Variants in SLC26A11 observed in about 807,000 individuals in gnomAD.
SLC26A11 encodes solute carrier family 26 member 11, also known as sodium-independent sulfate anion transporter.
Under a neutral mutation model 62.2 loss-of-function variants are expected in SLC26A11, and 58 were observed. The observed-to-expected ratio is 0.93, with a 90% confidence interval of 0.76 to 1.16. The LOEUF is 1.16. Ranked by LOEUF, SLC26A11 falls within the 50% of genes most tolerant of loss-of-function variation. The pLI is 0.00. For missense variants in SLC26A11, 790 were observed against 794.3 expected (o/e 0.99, Z 0.06); for synonymous variants, 411 against 368.9 (o/e 1.11, Z -1.31).
chr17:80,239,202 C>T (rs2042791167), intron 9 of SLC26A11, among the ~76,000 whole-genome samples: 2 of 151,772 alleles, frequency 1.3e-5, no homozygotes, highest in Non-Finnish European at 2.9e-5. Flanking sequence ...GCCTCAGCCT[C>T]CCAAGTAGCT....
chr17:80,238,161 C>T (rs1292917432), intron 9 of SLC26A11, among the ~76,000 whole-genome samples: 1 of 152,142 alleles, frequency 6.6e-6, no homozygotes, highest in Non-Finnish European at 1.5e-5. Flanking sequence ...AGTTTGAAAC[C>T]CACCTAGGCA....
chr17:80,243,216 G>A (rs1392145973), intron 10 of SLC26A11, among the ~76,000 whole-genome samples: 3 of 152,164 alleles, frequency 2.0e-5, no homozygotes, highest in Admixed American at 6.5e-5. Flanking sequence ...ACAAAGGGAC[G>A]TTGCCCGGGC....
At chr17:80,250,230 A>G (rs2043121376) in intron 16 of SLC26A11, among the ~76,000 whole-genome samples, 1 of 152,186 alleles carries the variant, frequency 6.6e-6, no homozygotes, top group South Asian at 2.1e-4. Context: ...CCCAGAGGAG[A>G]CATTCATGAA....
rs538219241 is a variant in SLC26A11, at chr17:80,226,712, G to GC, written c.593+803dup. On this transcript the variant is annotated intron_variant, in intron 6 of 17. Coordinates refer to ENST00000361193, the MANE Select transcript of SLC26A11 (RefSeq NM_001166347.2). The stretch of plus-strand genomic sequence containing the variant: ...TGAGACTCCATCTCCGCCCTGCCCT[G>GC]CCCCCCCGAAAAGAAAAGCCTCTGA... Among the ~76,000 whole-genome samples the GC allele has an allele frequency of 9.9e-5, 15 of 152,058 alleles. No individual in the cohort carries two copies. The East Asian group carries it at 1.5e-3, about 16-fold the overall frequency.
chr17:80,223,429 C>G lies in SLC26A11; in HGVS notation c.513+92C>G, dbSNP rs1289485816. ...GCAGGACTGAGGCCAGTCCTGATCC[C>G]TGTGGCCAGTGGACGTCTTGCTGTT... On this transcript the variant is annotated intron_variant, in intron 5 of 17. Coordinates refer to ENST00000361193, the MANE Select transcript of SLC26A11 (RefSeq NM_001166347.2). The surrounding 1 kb of genome is among the most constrained non-coding windows in gnomAD (Gnocchi z 4.6). 85 of 1,215,888 alleles carry G rather than the reference C, an allele frequency of 7.0e-5. No homozygotes were observed. Among genetic ancestry groups the G allele is most frequent in the Non-Finnish European group, 9.9e-5 (83 of 838,674 alleles). The allele number at this position is 1,215,888 out of a possible 1,614,324, so 75.3% of individuals were successfully genotyped here.
At chr17:80,243,249 G>A (rs1334333694) in intron 10 of SLC26A11, among the ~76,000 whole-genome samples, 3 of 152,156 alleles carry the variant, frequency 2.0e-5, no homozygotes, top group African/African-American at 7.2e-5. Context: ...CATGGAGAGC[G>A]GGGCATTGTC....
intron 9 of SLC26A11, among the ~76,000 whole-genome samples, chr17:80,238,178 C>T (rs895836324): frequency 2.6e-5 from 4 of 152,060 alleles, no homozygotes; most frequent in Non-Finnish European, 4.4e-5. Flanking sequence ...GGCAACGTAA[C>T]GAGACCTCGT....
At chr17:80,244,014 G>T (rs1217839832) in intron 10 of SLC26A11, among the ~76,000 whole-genome samples, 4 of 152,202 alleles carry the variant, frequency 2.6e-5, no homozygotes, top group Admixed American at 6.5e-5. Flanking sequence ...TCCCACGCCT[G>T]TATTTCCTTG....
rs1327515210 is a variant in SLC26A11 at position 80,248,643 on chromosome 17, G to C, written c.1491G>C (p.Leu497=). ...TGTCCTTCCCTGCCATGGAGGCTCT[G>C]CGGGAGGAGATCCTAAGCCGGGCCC... is the stretch of plus-strand genomic sequence containing the variant. The part of the protein sequence containing the change: ...SGLSFPAMEA[L]REEILSRALE... Residue 497 remains leucine (L), a synonymous_variant, in exon 15 of 18, where the codon CTG becomes CTC. Transcript: ENST00000361193. 1 of 1,582,402 alleles carries C rather than the reference G, an allele frequency of 6.3e-7. No homozygotes were observed. Among genetic ancestry groups the C allele is most frequent in the African/African-American group, 1.3e-5 (1 of 74,264 alleles).
chr17:80,249,912 A>G (rs1015592872), intron 16 of SLC26A11, among the ~76,000 whole-genome samples: 1 of 152,174 alleles, frequency 6.6e-6, no homozygotes, highest in Non-Finnish European at 1.5e-5. Flanking sequence ...CTCAAAAACA[A>G]ACAAACGAAA....
In SLC26A11 at chr17:80,223,383, G is replaced by A. The variant is rs999810309; in HGVS notation, c.513+46G>A. On this transcript the variant is annotated intron_variant, in intron 5 of 17. Transcript: ENST00000361193. This position sits in a 1 kb window ranked among gnomAD's most constrained non-coding sequence, Gnocchi z 4.6. ...GGGCACTGCTCTTTGGCCACTGCTC[G>A]TTGGCACAGGGATGGCGGGAGCAGG... The A allele has an allele frequency of 9.6e-6, 15 of 1,570,524 alleles. No individual in the cohort carries two copies. The highest frequency in any genetic ancestry group is 2.3e-5 in the East Asian group (1 of 44,418).
chr17:80,241,491 C>T (rs1567961215), intron 9 of SLC26A11, among the ~76,000 whole-genome samples: 1 of 152,106 alleles, frequency 6.6e-6, no homozygotes, highest in Non-Finnish European at 1.5e-5. Flanking sequence ...AACTCCTGGG[C>T]TCAAGCGATC....
rs2043012756 is a variant in SLC26A11 at position 80,246,813 on chromosome 17, A to G, written c.1294+164A>G. 6.6e-6 allele frequency among the ~76,000 whole-genome samples: 1 copy of G among 152,176 alleles called. No individual in the cohort carries two copies. The highest frequency in any genetic ancestry group is 2.1e-4 in the South Asian group (1 of 4,832). Reference sequence around the variant, plus strand: ...GTGGATGGCCAGGAGATGGCCCCAGAGATGGTCCCGAGGCTCAGTGGGAAG... The same window carrying G: ...GTGGATGGCCAGGAGATGGCCCCAGGGATGGTCCCGAGGCTCAGTGGGAAG... On this transcript the variant is annotated intron_variant, in intron 13 of 17. Coordinates refer to ENST00000361193, the MANE Select transcript of SLC26A11 (RefSeq NM_001166347.2). The surrounding 1 kb of genome is among the most constrained non-coding windows in gnomAD (Gnocchi z 4.4).
chr17:80,244,348 G>A (rs2042940006), intron 10 of SLC26A11, among the ~76,000 whole-genome samples: 3 of 152,250 alleles, frequency 2.0e-5, no homozygotes, highest in Admixed American at 2.0e-4. Flanking sequence ...TGGCCTCACT[G>A]TGGCTGTCAT....
At position 80,221,769 on chromosome 17, in the gene SLC26A11, C is replaced by T; in HGVS notation, c.209C>T (p.Ala70Val). The change falls in exon 3 of 18, where the codon GCT becomes GTT. Residue 70 changes from alanine (A) to valine (V), a missense_variant. Physicochemically the swap from Ala to Val is moderately conservative, Grantham distance 64 (BLOSUM62 0). Coordinates refer to ENST00000361193, the MANE Select transcript of SLC26A11 (RefSeq NM_001166347.2). The part of the protein sequence containing the change: ...LTAIPQALAY[A>V]EVAGLPPQYG... ...GCCATTCCCCAGGCGCTGGCCTATG[C>T]TGAAGTGGCTGGACTCCCGCCCCAG... is the stretch of plus-strand genomic sequence containing the variant. 2.5e-6 allele frequency: 4 copies of T among 1,612,364 alleles called. No individual in the cohort carries two copies. The highest frequency in any genetic ancestry group is 2.2e-5 in the East Asian group (1 of 44,888).
chr17:80,224,470 T>G (rs1385571602), intron 5 of SLC26A11, among the ~76,000 whole-genome samples: 2 of 151,548 alleles, frequency 1.3e-5, no homozygotes, highest in Admixed American at 6.6e-5. Flanking sequence ...TGTGAGTGTG[T>G]GAGTGTGAGA....
Position 80,220,548 on chromosome 17 carries a change from C to G in SLC26A11, c.-214+52C>G, listed in dbSNP as rs144403722. 4,758 of 399,034 alleles carry G rather than the reference C, an allele frequency of 0.012. 48 individuals carry two copies. Among genetic ancestry groups the G allele is most frequent in the South Asian group, 0.033 (518 of 15,590 alleles). 24.7% of individuals were successfully genotyped at this position (399,034 alleles called of 1,614,324 possible). A position where few individuals can be genotyped will look rare whatever the true frequency, so the allele number is the denominator to read the frequency against. On this transcript the variant is annotated intron_variant, in intron 1 of 17. Transcript: ENST00000361193. ...GAGCGGGGACCAGGGGCAGGGGGAG[C>G]GGACAGTGGCCGGGGTCGCCGGGGG...
rs142785306 is a variant in SLC26A11, at chr17:80,248,242, C to T, written c.1407C>T (p.Ala469=). ...VSLLMLLHSA[A]RPETKVSEGP... Reference sequence around the variant, plus strand: ...TGCTCATGCTCCTGCACTCTGCAGCCAGGCCTGAGACCAAGGTACCCCTCC... The same window carrying T: ...TGCTCATGCTCCTGCACTCTGCAGCTAGGCCTGAGACCAAGGTACCCCTCC... The change falls in exon 14 of 18, where the codon GCC becomes GCT. Residue 469 remains alanine, a synonymous_variant. Coordinates refer to ENST00000361193, the MANE Select transcript of SLC26A11 (RefSeq NM_001166347.2). 2.5e-6 allele frequency: 4 copies of T among 1,609,004 alleles called. No individual in the cohort carries two copies. The African/African-American group carries it at 5.3e-5, about 21-fold the overall frequency.
intron 9 of SLC26A11, among the ~76,000 whole-genome samples, chr17:80,238,580 A>G (rs1236547068): frequency 1.3e-5 from 2 of 151,332 alleles, no homozygotes; most frequent in African/African-American, 4.9e-5. Flanking sequence ...CACTCGCTCC[A>G]CTCCTGCCAG....
Sources: allele counts gnomAD v4.1 joint callset (sites outside exome capture counted in the v4.1 genomes callset), GRCh38; gene constraint gnomAD v4.1.1; non-coding constraint Gnocchi (gnomAD v3.1); transcripts MANE v1.5; gene names NCBI Gene and HGNC (gene_info 2026-07-23, HGNC 2026-07-21).